Variants in KIFC3 observed in about 807,000 individuals in gnomAD.
The protein encoded by KIFC3 is kinesin family member C3.
A neutral mutation model predicts 101.8 loss-of-function variants in KIFC3; 60 were observed. The ratio of observed to expected loss-of-function variants is 0.59; its 90% CI spans 0.48 to 0.73. KIFC3 has a LOEUF of 0.73. KIFC3 is among the 30% of genes least tolerant of loss of function. The probability of loss-of-function intolerance (pLI) is 0.00; values close to 1 mark genes in which losing one functional copy is unlikely to be tolerated. For synonymous variants in KIFC3, 476 were observed against 482.7 expected (o/e 0.99, Z 0.18); for missense variants, 966 against 1,137.1 (o/e 0.85, Z 2.16).
At chr16:57,799,196 T>C (rs1254266493) in intron 1 of KIFC3, among the ~76,000 whole-genome samples, 1 of 152,226 alleles carries the variant, frequency 6.6e-6, no homozygotes, top group Non-Finnish European at 1.5e-5. Context: ...AGGTATTCCC[T>C]GCAGAAGTCT....
chr16:57,787,685 G>A (rs1050440352), intron 3 of KIFC3, among the ~76,000 whole-genome samples: 55 of 152,220 alleles, frequency 3.6e-4, no homozygotes, highest in Middle Eastern at 6.8e-3. Context: ...TCTTCTCAGC[G>A]CACAATCAGC....
intron 3 of KIFC3, among the ~76,000 whole-genome samples, chr16:57,793,852 A>C (rs1396890320): frequency 2.6e-5 from 4 of 152,220 alleles, no homozygotes; most frequent in African/African-American, 9.6e-5. Context: ...ATATAAATTT[A>C]ATTAAGTGGT....
rs1597967329 is a variant in KIFC3 at position 57,771,585 on chromosome 16, G to A, written c.483C>T (p.Arg161=). The A allele has an allele frequency of 6.2e-7, 1 of 1,613,454 alleles. No homozygotes were observed. The highest frequency in any genetic ancestry group is 8.5e-7 in the Non-Finnish European group (1 of 1,180,038). The change falls in exon 5 of 20, where the codon CGC becomes CGT. Residue 161 remains arginine, a synonymous_variant. Transcript: ENST00000445690. ...RRCEAELQEL[R]TKPAGPCPGC... is the part of the protein sequence containing the mutation. ...CTGGGCAGGGACCTGCTGGCTTTGTGCGCAGCTCTTGCAGCTCGGCCTCAC... is the reference window on the plus strand; with the variant it reads ...CTGGGCAGGGACCTGCTGGCTTTGTACGCAGCTCTTGCAGCTCGGCCTCAC...
At chr16:57,835,322 G>A (rs2055665165) in intron 1 of KIFC3, among the ~76,000 whole-genome samples, 2 of 152,178 alleles carry the variant, frequency 1.3e-5, no homozygotes, top group African/African-American at 4.8e-5. Context: ...ATGAACATGT[G>A]TCTCTTGTAC....
At position 57,769,771 on chromosome 16, in the gene KIFC3, C is replaced by A; in HGVS notation, c.1087+37G>T. On this transcript the variant is annotated intron_variant, in intron 8 of 19. Transcript: ENST00000445690. The surrounding 1 kb of genome is among the most constrained non-coding windows in gnomAD (Gnocchi z 4.3). Reference sequence around the variant, plus strand: ...TGAGGCGGGAGGGGATGAGGGGCCGCGGCGTGGGGCAGACAGGGCCCAGCT... The same window carrying A: ...TGAGGCGGGAGGGGATGAGGGGCCGAGGCGTGGGGCAGACAGGGCCCAGCT... The A allele has an allele frequency of 1.2e-6, 2 of 1,612,260 alleles. No individual in the cohort carries two copies.
In KIFC3 at chr16:57,840,894, T is replaced by A. The variant is rs976192799; in HGVS notation, c.108+21835A>T. ...GGCCACCTCCCACCTTTGTCCCAGATGTCTTTGGAAGCCTCACCAGCAGAT... is the reference window on the plus strand; with the variant it reads ...GGCCACCTCCCACCTTTGTCCCAGAAGTCTTTGGAAGCCTCACCAGCAGAT... On this transcript the variant is annotated intron_variant, in intron 1 of 2. Coordinates refer to the KIFC3 transcript ENST00000563028. 5.3e-5 allele frequency among the ~76,000 whole-genome samples: 8 copies of A among 152,106 alleles called. No individual in the cohort carries two copies. The East Asian group carries it at 1.3e-3, about 26-fold the overall frequency.
chr16:57,812,901 AAGAGGCAACCCC>A (rs1459396197), intron 1 of KIFC3, among the ~76,000 whole-genome samples: 1 of 152,212 alleles, frequency 6.6e-6, no homozygotes, highest in Non-Finnish European at 1.5e-5. Flanking sequence ...GCAGCTGCCC[AAGAGGCAACCCC>A]AGACTAGACC....
intron 3 of KIFC3, chr16:57,782,297 T>C (rs1285782787): frequency 4.2e-6 from 1 of 235,798 alleles, no homozygotes; most frequent in African/African-American, 2.3e-5. Flanking sequence ...GCTGCCCAGC[T>C]GGCACATGGC....
chr16:57,786,174 G>A (rs892011607), intron 3 of KIFC3, among the ~76,000 whole-genome samples: 1 of 152,204 alleles, frequency 6.6e-6, no homozygotes, highest in Non-Finnish European at 1.5e-5. Context: ...GTGTATGTGC[G>A]AGGGACAGAC....
Position 57,758,863 on chromosome 16 carries a change from G to A in KIFC3, c.*71C>T, listed in dbSNP as rs1045340266. On this transcript the variant is annotated 3_prime_UTR_variant, in exon 20 of 20. Coordinates refer to ENST00000445690, the MANE Select transcript of KIFC3 (RefSeq NM_001130100.2). ...ACAGGCCAGTGAGGGCCCAGCTTCA[G>A]GCCCAGCGGGGTCACATCCGTCACA... The A allele has an allele frequency of 8.7e-6, 14 of 1,606,260 alleles. No homozygotes were observed. Among genetic ancestry groups the A allele is most frequent in the Non-Finnish European group, 1.2e-5 (14 of 1,176,050 alleles).
In KIFC3 at chr16:57,759,588, G is replaced by A. The variant is rs1162680045; in HGVS notation, c.2476+140C>T. 7.8e-6 allele frequency: 5 copies of A among 641,446 alleles called. No homozygotes were observed. The East Asian group carries it at 1.4e-4, about 18-fold the overall frequency. The allele number at this position is 641,446 out of a possible 1,614,324, so 39.7% of individuals were successfully genotyped here. ...GCCCTGACTACTGCCTGGGGGCAGG[G>A]GAGGTTGTAAAACAGGTTCTGGAGA... is the stretch of plus-strand genomic sequence containing the variant. On this transcript the variant is annotated intron_variant, in intron 18 of 19. Transcript: ENST00000445690.
chr16:57,776,037 C>G (rs1222580830), intron 3 of KIFC3: 7 of 985,360 alleles, frequency 7.1e-6, no homozygotes, highest in South Asian at 4.7e-5. Context: ...AGGGTGGGGC[C>G]AGCCAGCCCA....
intron 3 of KIFC3, among the ~76,000 whole-genome samples, chr16:57,794,463 C>T (rs1555621749): frequency 2.6e-5 from 4 of 151,946 alleles, no homozygotes; most frequent in Admixed American, 1.3e-4. Flanking sequence ...TGGGCTCAAG[C>T]GATCCTCCTA....
intron 1 of KIFC3, chr16:57,815,541 G>A (rs2055199965): frequency 3.9e-6 from 5 of 1,287,206 alleles, no homozygotes; most frequent in South Asian, 1.2e-5. Context: ...CTACCAGGAT[G>A]CCCTCCAAGA....
rs149340762 is a variant in KIFC3 at position 57,851,746 on chromosome 16, T to C, written c.108+10983A>G. ...CACACCCGGCTAATTTTTGTTGTTG[T>C]TGTTGTTTTCGAGATGGTAGTCTCG... On this transcript the variant is annotated intron_variant, in intron 1 of 2. Transcript: ENST00000563028. 5.6e-3 allele frequency among the ~76,000 whole-genome samples: 850 copies of C among 151,886 alleles called. 3 individuals carry two copies. The highest frequency in any genetic ancestry group is 8.8e-3 in the Non-Finnish European group (600 of 67,922).
chr16:57,765,444 TG>T lies in KIFC3; in HGVS notation c.1512+14del. On this transcript the variant is annotated intron_variant, in intron 11 of 19. Coordinates refer to ENST00000445690, the MANE Select transcript of KIFC3 (RefSeq NM_001130100.2). Reference sequence around the variant, plus strand: ...TCTCCCTTGCTTTCCCTTTCCCGCATGGGGCCACACTCACGTCCTGCTGCGA... The same window carrying T: ...TCTCCCTTGCTTTCCCTTTCCCGCATGGGCCACACTCACGTCCTGCTGCGA... The T allele has an allele frequency of 6.4e-7, 1 of 1,561,448 alleles. No homozygotes were observed. The highest frequency in any genetic ancestry group is 8.7e-7 in the Non-Finnish European group (1 of 1,148,810).
intron 14 of KIFC3, 88 bp downstream of exon 14, chr16:57,761,325 G>A (rs552956570): frequency 1.6e-4 from 249 of 1,583,634 alleles, no homozygotes; most frequent in Admixed American, 6.9e-4. Context: ...CCAAGGGTGC[G>A]TGCTTAGGAC....
chr16:57,856,990 C>T (rs1217429844), intron 1 of KIFC3, among the ~76,000 whole-genome samples: 1 of 152,158 alleles, frequency 6.6e-6, no homozygotes, highest in Non-Finnish European at 1.5e-5. Context: ...TAGAACACTT[C>T]CTAACTAATT....
intron 11 of KIFC3, among the ~76,000 whole-genome samples, chr16:57,765,173 C>T (rs1180180128): frequency 4.1e-5 from 5 of 120,716 alleles, no homozygotes; most frequent in African/African-American, 1.2e-4. Context: ...CAAGGGTGGG[C>T]GGGGCCACAC....
Sources: gnomAD v4.1 joint callset for allele counts (sites outside exome capture counted in the v4.1 genomes callset) on GRCh38, gnomAD v4.1.1 for gene constraint, Gnocchi (gnomAD v3.1) non-coding constraint, MANE v1.5 for transcripts, NCBI Gene and HGNC (gene_info 2026-07-23, HGNC 2026-07-21) for gene names.